DNAJC12: variants seen among roughly 807,000 people sequenced by gnomAD.
DNAJC12 encodes the protein DnaJ heat shock protein family (Hsp40) member C12.
Under a neutral mutation model 28.5 loss-of-function variants are expected in DNAJC12, and 25 were observed. The ratio of observed to expected loss-of-function variants is 0.88; its 90% CI spans 0.64 to 1.22. The LOEUF (loss-of-function observed/expected upper bound fraction) is 1.22. DNAJC12 is among the 50% of genes most tolerant of loss of function. The pLI is 0.00. For missense variants in DNAJC12, 222 were observed against 231.7 expected (o/e 0.96, Z 0.27); for synonymous variants, 77 against 80.6 (o/e 0.95, Z 0.24).
chr10:67,823,989 G>A (rs1160535412), intron 1 of DNAJC12, among the ~76,000 whole-genome samples: 1 of 151,904 alleles, frequency 6.6e-6, no homozygotes, highest in Non-Finnish European at 1.5e-5. Flanking sequence ...TGTAATCCTT[G>A]CACTTTGGGA....
intron 1 of DNAJC12, among the ~76,000 whole-genome samples, chr10:67,823,748 C>T (rs1392988417): frequency 6.6e-6 from 1 of 151,816 alleles, no homozygotes; most frequent in Non-Finnish European, 1.5e-5. Context: ...GAAGTTGGGG[C>T]ATCAATCCCC....
intron 3 of DNAJC12, 56 bp downstream of exon 3, chr10:67,811,467 TA>T: frequency 1.2e-6 from 2 of 1,610,306 alleles, no homozygotes; most frequent in Non-Finnish European, 1.7e-6. Context: ...TACATGAGTC[TA>T]ATCCATGGGC....
intron 1 of DNAJC12, chr10:67,833,949 G>C (rs1443347674): frequency 2.1e-6 from 1 of 468,058 alleles, no homozygotes; most frequent in African/African-American, 2.0e-5. Flanking sequence ...AAAACAAGAA[G>C]CAGCATTAAT....
rs764261610 is a variant in DNAJC12 at position 67,797,180 on chromosome 10, C to T, written c.533G>A (p.Arg178His). 9 of 1,613,496 alleles carry T rather than the reference C, an allele frequency of 5.6e-6. No homozygotes were observed. The highest frequency in any genetic ancestry group is 2.7e-5 in the African/African-American group (2 of 74,888). Residue 178 changes from arginine to histidine, a missense_variant, in exon 5 of 5, where the codon CGT (arginine) becomes CAT (histidine). Coordinates refer to ENST00000225171, the MANE Select transcript of DNAJC12 (RefSeq NM_021800.3). ...GFADVNGWHL[R>H]FRWSKDAPSE... ...GGGAGCATCCTTGGACCAGCGGAAA[C>T]GAAGGTGCCAACCATTCACATCTGC... is the stretch of plus-strand genomic sequence containing the variant.
At chr10:67,805,926 A>G (rs1284657736) in intron 3 of DNAJC12, 139 bp from the exon 4 acceptor site, 1 of 570,700 alleles carries the variant, frequency 1.8e-6, no homozygotes, top group Non-Finnish European at 2.8e-6. Flanking sequence ...TATTAACAAG[A>G]TACTCATAAA....
intron 2 of DNAJC12, among the ~76,000 whole-genome samples, chr10:67,820,409 C>T (rs1841970393): frequency 6.6e-6 from 1 of 152,122 alleles, no homozygotes; most frequent in African/African-American, 2.4e-5. Flanking sequence ...AAATCCAAAA[C>T]TGCAAAACTA....
At chr10:67,828,114 T>A (rs1842055074) in intron 1 of DNAJC12, among the ~76,000 whole-genome samples, 1 of 152,126 alleles carries the variant, frequency 6.6e-6, no homozygotes, top group African/African-American at 2.4e-5. Flanking sequence ...ATACAAAAAA[T>A]TTTCAACTCT....
chr10:67,798,689 A>G (rs1841705376), intron 4 of DNAJC12, among the ~76,000 whole-genome samples: 1 of 151,882 alleles, frequency 6.6e-6, no homozygotes, highest in Admixed American at 6.6e-5. Flanking sequence ...CAAAAAACAA[A>G]CAGATAAGAA....
Position 67,801,150 on chromosome 10 carries a change from T to C in DNAJC12, c.503-3940A>G, listed in dbSNP as rs191490304. Among the ~76,000 whole-genome samples, 408 of 152,286 alleles carry C rather than the reference T, an allele frequency of 2.7e-3. 1 individual carries two copies. The highest frequency in any genetic ancestry group is 9.1e-3 in the African/African-American group (378 of 41,566). ...AGAATTAGAATGTGGTGGGGGCTAT[T>C]TGGTGGCTGCTCATCACAGAAGAGA... On this transcript the variant is annotated intron_variant, in intron 4 of 4. Coordinates refer to ENST00000225171, the MANE Select transcript of DNAJC12 (RefSeq NM_021800.3).
intron 4 of DNAJC12, among the ~76,000 whole-genome samples, chr10:67,804,037 C>A (rs1841774618): frequency 6.6e-6 from 1 of 152,232 alleles, no homozygotes; most frequent in East Asian, 1.9e-4. Context: ...AGCCATCTAA[C>A]TATCTTCTTT....
chr10:67,805,793 T>C lies in DNAJC12; in HGVS notation c.298-6A>G, dbSNP rs1236681894. ...CTGACAACCCAGTGCATTGACTAAA[T>C]TAATGTAAAGCAGAGATATAAAAAT... On this transcript the variant is annotated splice_region_variant and splice_polypyrimidine_tract_variant and intron_variant, in intron 3 of 4. Transcript: ENST00000225171. 1 of 1,559,638 alleles carries C rather than the reference T, an allele frequency of 6.4e-7. No homozygotes were observed. The highest frequency in any genetic ancestry group is 2.2e-5 in the Admixed American group (1 of 45,180).
chr10:67,835,334 A>G (rs1842131742), intron 1 of DNAJC12, among the ~76,000 whole-genome samples: 1 of 152,228 alleles, frequency 6.6e-6, no homozygotes, highest in Admixed American at 6.5e-5. Context: ...AATCAAGTAA[A>G]GGAAATGTCA....
rs911764800 is a variant in DNAJC12 at position 67,799,552 on chromosome 10, C to T, written c.503-2342G>A. Among the ~76,000 whole-genome samples, 3 of 151,586 alleles carry T rather than the reference C, an allele frequency of 2.0e-5. No homozygotes were observed. The South Asian group carries it at 6.2e-4, about 31-fold the overall frequency. Reference sequence around the variant, plus strand: ...CCTTTTGCTTGATTATATTTTCTCACATTTTATATAGTAAGTAAGTGTCAT... The same window carrying T: ...CCTTTTGCTTGATTATATTTTCTCATATTTTATATAGTAAGTAAGTGTCAT... On this transcript the variant is annotated intron_variant, in intron 4 of 4. Coordinates refer to ENST00000225171, the MANE Select transcript of DNAJC12 (RefSeq NM_021800.3).
rs754776188 is a variant in DNAJC12 at position 67,797,095 on chromosome 10, A to G, written c.*21T>C. 1.2e-6 allele frequency: 2 copies of G among 1,601,830 alleles called. No individual in the cohort carries two copies. The highest frequency in any genetic ancestry group is 8.5e-7 in the Non-Finnish European group (1 of 1,170,368). On this transcript the variant is annotated 3_prime_UTR_variant, in exon 5 of 5. Coordinates refer to ENST00000225171, the MANE Select transcript of DNAJC12 (RefSeq NM_021800.3). ...ATAGGGGACAGTCTTGCTCTTCCTC[A>G]TTTTTTGAAGCAGAGATATTTCATA...
At chr10:67,806,731 G>A (rs961697051) in intron 3 of DNAJC12, among the ~76,000 whole-genome samples, 9 of 151,232 alleles carry the variant, frequency 6.0e-5, no homozygotes, top group Admixed American at 4.0e-4. Context: ...AGGCTGAGGC[G>A]GGAGAATTGC....
At chr10:67,805,066 G>T (rs1207178684) in intron 4 of DNAJC12, among the ~76,000 whole-genome samples, 2 of 152,020 alleles carry the variant, frequency 1.3e-5, no homozygotes, top group Non-Finnish European at 1.5e-5. Flanking sequence ...ATTCAATAAG[G>T]CATTATCATA....
intron 1 of DNAJC12, chr10:67,827,577 C>T (rs770314675): frequency 3.3e-5 from 5 of 152,076 alleles, no homozygotes; most frequent in South Asian, 2.1e-4. Context: ...ATCTCAGCTA[C>T]TCAGGAGGCT....
At chr10:67,799,202 C>A (rs973594196) in intron 4 of DNAJC12, among the ~76,000 whole-genome samples, 5 of 152,048 alleles carry the variant, frequency 3.3e-5, no homozygotes, top group African/African-American at 1.2e-4. Context: ...ATAAAATACA[C>A]TTCCATTGAT....
intron 2 of DNAJC12, among the ~76,000 whole-genome samples, chr10:67,822,607 C>G (rs1841991356): frequency 6.6e-6 from 1 of 152,042 alleles, no homozygotes; most frequent in East Asian, 1.9e-4. Context: ...TAGGTATAAG[C>G]ATGCTTAAGT....
Sources: allele counts gnomAD v4.1 joint callset (sites outside exome capture counted in the v4.1 genomes callset), GRCh38; gene constraint gnomAD v4.1.1; transcripts MANE v1.5; gene names NCBI Gene and HGNC (gene_info 2026-07-23, HGNC 2026-07-21).